FMNL1: variants seen among roughly 807,000 people sequenced by gnomAD.
The protein encoded by FMNL1 is formin like 1.
In FMNL1, 43 loss-of-function variants were observed where a neutral mutation model predicts 121.3. The ratio of observed to expected loss-of-function variants is 0.35; its 90% CI spans 0.28 to 0.46. FMNL1 has a LOEUF of 0.46. Ranked by LOEUF, FMNL1 falls within the 20% of genes least tolerant of loss-of-function variation. The pLI is 1.00. For synonymous variants in FMNL1, 613 were observed against 613.5 expected, an observed-to-expected ratio of 1.00 and a Z score of 0.01; for missense variants, 1,191 against 1,482.4, an observed-to-expected ratio of 0.80 and a Z score of 3.23.
intron 9 of FMNL1, 47 bp from the exon 10 acceptor site, chr17:45,238,517 A>C (rs1459321256): frequency 6.2e-7 from 1 of 1,603,752 alleles, no homozygotes; most frequent in East Asian, 2.2e-5. Context: ...AAGGTAGCTT[A>C]GGACGTGTGT....
intron 10 of FMNL1, 97 bp downstream of exon 10, chr17:45,238,735 C>A (rs1424782875): frequency 5.8e-5 from 86 of 1,471,838 alleles, no homozygotes; most frequent in Non-Finnish European, 7.7e-5. Flanking sequence ...GGCTCTGCCC[C>A]CGCAAAGCGT....
rs2043465340 is a variant in FMNL1 at position 45,232,739 on chromosome 17, G to GC, written c.327+262dup. ...TATACTGTGTGTATACACATGTGCAGCCCATATGTCCATACATAGGTGTGT... is the reference window on the plus strand; with the variant it reads ...TATACTGTGTGTATACACATGTGCAGCCCCATATGTCCATACATAGGTGTGT... On this transcript the variant is annotated intron_variant, in intron 3 of 26. Coordinates refer to ENST00000331495, the MANE Select transcript of FMNL1 (RefSeq NM_005892.4). The GC allele has an allele frequency of 6.6e-6, 4 of 604,406 alleles. No individual in the cohort carries two copies. In the South Asian group the frequency reaches 7.0e-5, roughly 11 times the overall value. The allele number at this position is 604,406 out of a possible 1,614,324, so 37.4% of individuals were successfully genotyped here.
rs2043440794 is a variant in FMNL1, at chr17:45,231,675, A to G, written c.214-692A>G. ...GCCTCTTTGTGTGAGTGGCCGCTGG[A>G]GCCTGCAGTGGGGTGGGGGGATTAG... On this transcript the variant is annotated intron_variant, in intron 2 of 26. Coordinates refer to ENST00000331495, the MANE Select transcript of FMNL1 (RefSeq NM_005892.4). The surrounding 1 kb of genome is among the most constrained non-coding windows in gnomAD (Gnocchi z 4.7). Among the ~76,000 whole-genome samples the G allele has an allele frequency of 6.6e-6, 1 of 151,958 alleles. No individual in the cohort carries two copies. Among genetic ancestry groups the G allele is most frequent in the Admixed American group, 6.6e-5 (1 of 15,260 alleles).
chr17:45,243,901 T>C lies in FMNL1; in HGVS notation c.2324T>C (p.Met775Thr), dbSNP rs756280599. The C allele has an allele frequency of 6.2e-7, 1 of 1,613,816 alleles. No homozygotes were observed. Among genetic ancestry groups the C allele is most frequent in the African/African-American group, 1.3e-5 (1 of 74,948 alleles). ...CGCTTTGAGCGGGAGCAGCGGCCAA[T>C]GGAGGAGCTGTCAGAGGAGGACCGC... ...ITRFEREQRP[M>T]EELSEEDRFM... The change falls in exon 18 of 27, where the codon ATG becomes ACG. Residue 775 changes from methionine to threonine, a missense_variant. By Grantham distance (81) the Met-to-Thr change is moderately conservative (BLOSUM62 -1). Transcript: ENST00000331495.
rs1359782292 is a variant in FMNL1, at chr17:45,242,091, G to C, written c.1830G>C (p.Pro610=). 1 of 1,471,436 alleles carries C rather than the reference G, an allele frequency of 6.8e-7. No individual in the cohort carries two copies. The highest frequency in any genetic ancestry group is 1.5e-5 in the African/African-American group (1 of 65,238). The allele number at this position is 1,471,436 out of a possible 1,614,324, so 91.1% of individuals were successfully genotyped here. A position where few individuals can be genotyped will look rare whatever the true frequency, so the allele number is the denominator to read the frequency against. ...PVPPPPPPPP[P]PPGGPPDALG... Reference sequence around the variant, plus strand: ...CTCCGCCGCCGCCGCCGCCGCCGCCGCCTCCCGGAGGTCCTCCTGATGCCC... The same window carrying C: ...CTCCGCCGCCGCCGCCGCCGCCGCCCCCTCCCGGAGGTCCTCCTGATGCCC... The change falls in exon 15 of 27, where the codon CCG becomes CCC. Residue 610 remains proline, a synonymous_variant. Transcript: ENST00000331495.
chr17:45,232,812 C>G, intron 3 of FMNL1: 1 of 572,878 alleles, frequency 1.7e-6, no homozygotes. Context: ...TGTGTGTGTA[C>G]CATTGAGTCC....
At chr17:45,242,522 G>C in intron 16 of FMNL1, 57 bp downstream of exon 16, 1 of 1,582,434 alleles carries the variant, frequency 6.3e-7, no homozygotes, top group Non-Finnish European at 8.6e-7. Context: ...GGAGTTGCCT[G>C]GATCAGGCTG....
chr17:45,238,405 T>G (rs2043598340), intron 9 of FMNL1, 159 bp from the exon 10 acceptor site: 16 of 637,838 alleles, frequency 2.5e-5, no homozygotes, highest in East Asian at 1.2e-4. Context: ...TGAGGGAGAG[T>G]GGGAGATTGA....
Position 45,241,990 on chromosome 17 carries a change from G to A in FMNL1, c.1729G>A (p.Ala577Thr). The A allele has an allele frequency of 1.5e-6, 2 of 1,296,438 alleles. No homozygotes were observed. The highest frequency in any genetic ancestry group is 2.0e-6 in the Non-Finnish European group (2 of 1,023,202). The allele number at this position is 1,296,438 out of a possible 1,614,324, so 80.3% of individuals were successfully genotyped here. A position where few individuals can be genotyped will look rare whatever the true frequency, so the allele number is the denominator to read the frequency against. ...CCCTGGCAGCCCGGAGCCCCCGCCT[G>A]CGCCGCCGCTGCCCGGAGACCTGCC... ...PLPGSPEPPP[A>T]PPLPGDLPPP... The change falls in exon 15 of 27, where the codon GCG becomes ACG. Residue 577 changes from alanine to threonine, a missense_variant. Ala to Thr is a moderately conservative substitution (Grantham distance 58). This residue lies in a region of FMNL1 where 519 missense variants were observed against 492.8 expected (regional missense o/e 1.05). Transcript: ENST00000331495. The surrounding 1 kb of genome is among the most constrained non-coding windows in gnomAD (Gnocchi z 7.0).
chr17:45,223,535 A>G (rs1034583588), intron 1 of FMNL1, among the ~76,000 whole-genome samples: 9 of 152,158 alleles, frequency 5.9e-5, no homozygotes, highest in African/African-American at 2.2e-4. Flanking sequence ...AGAGGAGGGC[A>G]GGGACACTGA....
At chr17:45,236,526 C>T (rs563802546) in intron 7 of FMNL1, 13 of 303,036 alleles carry the variant, frequency 4.3e-5, no homozygotes, top group East Asian at 1.8e-4. Context: ...AAGGGCTGGC[C>T]GGAGGGCCAG....
intron 1 of FMNL1, among the ~76,000 whole-genome samples, chr17:45,230,119 G>T (rs892970716): frequency 3.3e-5 from 5 of 152,232 alleles, no homozygotes; most frequent in African/African-American, 1.2e-4. Context: ...GGCCTGGTCT[G>T]TGTACACGTG....
intron 1 of FMNL1, among the ~76,000 whole-genome samples, chr17:45,228,216 G>A (rs2043368957): frequency 6.6e-6 from 1 of 152,248 alleles, no homozygotes. Context: ...AGGAGCAGCT[G>A]CTAATTAGTG....
rs769880915 is a variant in FMNL1 at position 45,236,216 on chromosome 17, T to C, written c.695T>C (p.Met232Thr). Residue 232 changes from methionine to threonine, a missense_variant, in exon 7 of 27, where the codon ATG becomes ACG. Met to Thr is a moderately conservative substitution (Grantham distance 81, BLOSUM62 -1). Transcript: ENST00000331495. ...SQKDDVHVCI[M>T]CLRAIMNYQS... ...AAGGACGACGTCCACGTCTGTATTA[T>C]GTGCCTACGCGCCATCATGAACTAC... The C allele has an allele frequency of 6.2e-7, 1 of 1,614,074 alleles. No individual in the cohort carries two copies. The highest frequency in any genetic ancestry group is 1.1e-5 in the South Asian group (1 of 91,088).
At chr17:45,222,938 G>T (rs2043260221) in intron 1 of FMNL1, among the ~76,000 whole-genome samples, 1 of 152,188 alleles carries the variant, frequency 6.6e-6, no homozygotes, top group Non-Finnish European at 1.5e-5. Context: ...CCTACCTGGG[G>T]AATTGGAGCG....
chr17:45,244,932 C>T, intron 20 of FMNL1, 33 bp downstream of exon 20: 2 of 1,612,348 alleles, frequency 1.2e-6, no homozygotes, highest in Non-Finnish European at 1.7e-6. Context: ...GGGACTGGGG[C>T]TGGGGACTGG....
chr17:45,233,215 G>T lies in FMNL1; in HGVS notation c.328-9G>T. ...CCACCCACCAGCCTTCCCTGTTCTC[G>T]GTCCCCAGTTTAAGAGGCGAGTTCA... On this transcript the variant is annotated splice_polypyrimidine_tract_variant and intron_variant, in intron 3 of 26. Transcript: ENST00000331495. This position sits in a 1 kb window ranked among gnomAD's most constrained non-coding sequence, Gnocchi z 4.1. The T allele has an allele frequency of 1.9e-6, 3 of 1,554,080 alleles. No homozygotes were observed. In the South Asian group the frequency reaches 3.6e-5, roughly 18 times the overall value.
chr17:45,245,177 G>A (rs2043801089), intron 21 of FMNL1, 69 bp downstream of exon 21: 1 of 1,610,734 alleles, frequency 6.2e-7, no homozygotes, highest in Non-Finnish European at 8.5e-7. Flanking sequence ...AGAAAGCTAG[G>A]GGGCCACAGT....
Position 45,241,700 on chromosome 17 carries a change from G to T in FMNL1, c.1585+66G>T. 1 of 1,443,578 alleles carries T rather than the reference G, an allele frequency of 6.9e-7. No homozygotes were observed. Among genetic ancestry groups the T allele is most frequent in the Non-Finnish European group, 9.1e-7 (1 of 1,102,822 alleles). 89.4% of individuals were successfully genotyped at this position (1,443,578 alleles called of 1,614,324 possible). A position where few individuals can be genotyped will look rare whatever the true frequency, so the allele number is the denominator to read the frequency against. On this transcript the variant is annotated intron_variant, in intron 14 of 26. Coordinates refer to ENST00000331495, the MANE Select transcript of FMNL1 (RefSeq NM_005892.4). The surrounding 1 kb of genome is among the most constrained non-coding windows in gnomAD (Gnocchi z 7.0). ...TCTGGAGGGGAGCCCAGGGGCATCT[G>T]TGGCGGGCAGAGTTGGGCGAGGGAG...
Sources: gnomAD v4.1 joint callset for allele counts (sites outside exome capture counted in the v4.1 genomes callset) on GRCh38, gnomAD v4.1.1 for gene constraint, gnomAD v4.1.1 regional missense constraint, Gnocchi (gnomAD v3.1) non-coding constraint, MANE v1.5 for transcripts, NCBI Gene and HGNC (gene_info 2026-07-23, HGNC 2026-07-21) for gene names.